Variants in ITGA7 observed in about 807,000 individuals in gnomAD.
ITGA7 encodes the protein integrin subunit alpha 7.
ITGA7 carries 84 observed loss-of-function variants against 131.6 expected under a neutral mutation model. That is an observed-to-expected ratio of 0.64 (90% CI 0.54 to 0.77). ITGA7 has a LOEUF of 0.77. ITGA7 is among the 30% of genes least tolerant of loss of function. The probability of loss-of-function intolerance (pLI) is 0.00; values close to 1 mark genes in which losing one functional copy is unlikely to be tolerated. For missense variants in ITGA7, 1,399 were observed against 1,482.9 expected (o/e 0.94, Z 0.93); for synonymous variants, 548 against 600.7 (o/e 0.91, Z 1.28).
At position 55,697,023 on chromosome 12, in the gene ITGA7, C is replaced by T; in HGVS notation, c.1613G>A (p.Gly538Asp). 2 of 1,614,058 alleles carry T rather than the reference C, an allele frequency of 1.2e-6. No homozygotes were observed. The highest frequency in any genetic ancestry group is 1.7e-6 in the Non-Finnish European group (2 of 1,180,020). ...LDADTDRRLR[G>D]QVPRVTFLSR... ...CAGGAACGTCACACGGGGAACCTGG[C>T]CCCGGAGCCTCCGGTCTGTGTCCGC... is the stretch of plus-strand genomic sequence containing the variant. The change falls in exon 12 of 25, where the codon GGC becomes GAC. Residue 538 changes from glycine (G) to aspartate (D), a missense_variant. Coordinates refer to ENST00000257879, the MANE Select transcript of ITGA7 (RefSeq NM_002206.3).
Position 55,702,955 on chromosome 12 carries a change from G to C in ITGA7, c.335-4C>G. 3 of 1,613,166 alleles carry C rather than the reference G, an allele frequency of 1.9e-6. No individual in the cohort carries two copies. The highest frequency in any genetic ancestry group is 2.5e-6 in the Non-Finnish European group (3 of 1,180,024). Reference sequence around the variant, plus strand: ...TTGCTTTCCTTTTGCATATCAGCTAGAGGCAGGACACTGGGAATTAGGGGA... The same window carrying C: ...TTGCTTTCCTTTTGCATATCAGCTACAGGCAGGACACTGGGAATTAGGGGA... On this transcript the variant is annotated splice_polypyrimidine_tract_variant and splice_region_variant and intron_variant, in intron 2 of 24. Transcript: ENST00000257879.
chr12:55,715,508 G>A (rs776879738), upstream of ITGA7, among the ~76,000 whole-genome samples: 4 of 152,178 alleles, frequency 2.6e-5, no homozygotes, highest in African/African-American at 4.8e-5. Context: ...AAATGGGTTC[G>A]CATTCCTGAC....
chr12:55,711,715 T>G (rs547420661), upstream of ITGA7, among the ~76,000 whole-genome samples: 1 of 152,254 alleles, frequency 6.6e-6, no homozygotes, highest in South Asian at 2.1e-4. Context: ...AATGAAAGAT[T>G]AATAATCTTT....
chr12:55,696,409 C>A lies in ITGA7; in HGVS notation c.1761G>T (p.Arg587=). ...QLQENVKDKL[R]AIVVTLSYSL... is the part of the protein sequence containing the mutation. ...TGTAGGACAAGGTCACTACAATGGC[C>A]CGAAGCTTGTCTTTGACATTTTCCT... Residue 587 remains arginine (R), a synonymous_variant, in exon 13 of 25, where the codon CGG becomes CGT. Transcript: ENST00000257879. 1 of 1,601,266 alleles carries A rather than the reference C, an allele frequency of 6.2e-7. No individual in the cohort carries two copies. Among genetic ancestry groups the A allele is most frequent in the Non-Finnish European group, 8.5e-7 (1 of 1,172,846 alleles).
intron 10 of ITGA7, 43 bp from the exon 11 acceptor site, chr12:55,697,320 G>A: frequency 6.3e-7 from 1 of 1,582,748 alleles, no homozygotes; most frequent in Non-Finnish European, 8.6e-7. Context: ...GAGGCTGATG[G>A]GCCAAGGCCC....
intron 21 of ITGA7, among the ~76,000 whole-genome samples, 177 bp from the exon 22 acceptor site, chr12:55,689,134 C>T (rs1250922838): frequency 1.3e-5 from 2 of 152,138 alleles, no homozygotes; most frequent in African/African-American, 4.8e-5. Flanking sequence ...CTTTGAAATG[C>T]GTGGAGGGGG....
chr12:55,688,375 A>G, intron 22 of ITGA7, 75 bp from the exon 23 acceptor site: 2 of 1,052,070 alleles, frequency 1.9e-6, no homozygotes, highest in Non-Finnish European at 2.9e-6. Context: ...TCCTGAAATT[A>G]TAAATGTAAT....
In ITGA7 at chr12:55,703,126, G is replaced by C; in HGVS notation, c.259C>G (p.Arg87Gly). ...GGGCAAGCGAAGAGGCCTCCAGTGCGATTCGCCTGCTGCCCAGGAAGAGCC... is the reference window on the plus strand; with the variant it reads ...GGGCAAGCGAAGAGGCCTCCAGTGCCATTCGCCTGCTGCCCAGGAAGAGCC... ...ALALPGQQAN[R>G]TGGLFACPLS... The change falls in exon 2 of 25, where the codon CGC (arginine) becomes GGC (glycine). Residue 87 changes from arginine to glycine, a missense_variant. Coordinates refer to ENST00000257879, the MANE Select transcript of ITGA7 (RefSeq NM_002206.3). 6.2e-7 allele frequency: 1 copy of C among 1,613,542 alleles called. No individual in the cohort carries two copies. The highest frequency in any genetic ancestry group is 8.5e-7 in the Non-Finnish European group (1 of 1,180,010).
chr12:55,690,911 T>C (rs7397816), intron 21 of ITGA7, among the ~76,000 whole-genome samples: 73,778 of 151,274 alleles, frequency 0.49, 19,676 homozygotes, highest in East Asian at 0.94. Context: ...TAGGTGGGAA[T>C]TGAACAATGA....
At position 55,694,946 on chromosome 12, in the gene ITGA7, C is replaced by T; in HGVS notation, c.2028G>A (p.Leu676=). Reference sequence around the variant, plus strand: ...TGACTGGCTGCCCACTCAGTGCAAACAGGGCTGTTGTTCCATCCACATCCC... The same window carrying T: ...TGACTGGCTGCCCACTCAGTGCAAATAGGGCTGTTGTTCCATCCACATCCC... ...LPMDVDGTTA[L]FALSGQPVIG... is the part of the protein sequence containing the mutation. The change falls in exon 15 of 25, where the codon CTG becomes CTA. Residue 676 remains leucine, a synonymous_variant. Transcript: ENST00000257879. The surrounding 1 kb of genome is among the most constrained non-coding windows in gnomAD (Gnocchi z 5.3). 6.2e-7 allele frequency: 1 copy of T among 1,613,796 alleles called. No individual in the cohort carries two copies. The highest frequency in any genetic ancestry group is 8.5e-7 in the Non-Finnish European group (1 of 1,180,000).
rs754255785 is a variant in ITGA7, at chr12:55,699,886, G to A, written c.774C>T (p.Ala258=). The A allele has an allele frequency of 9.9e-6, 16 of 1,609,708 alleles. No individual in the cohort carries two copies. In the East Asian group the frequency reaches 3.6e-4, roughly 36 times the overall value. ...DRLPGPAGDL[A]LNSYLGFSID... is the part of the protein sequence containing the mutation. Reference sequence around the variant, plus strand: ...CTTACAAACCTAAGTAGCTATTGAGGGCCAAGTCTCCGGCTGGTCCTGGGA... The same window carrying A: ...CTTACAAACCTAAGTAGCTATTGAGAGCCAAGTCTCCGGCTGGTCCTGGGA... Residue 258 remains alanine (A), a synonymous_variant, in exon 5 of 25, where the codon GCC becomes GCT. Coordinates refer to ENST00000257879, the MANE Select transcript of ITGA7 (RefSeq NM_002206.3).
At chr12:55,714,467 G>A (rs1189612867), upstream of ITGA7, among the ~76,000 whole-genome samples, 4 of 149,722 alleles carry the variant, frequency 2.7e-5, no homozygotes, top group Non-Finnish European at 4.4e-5. Flanking sequence ...GCAGTGAGCC[G>A]AGATCCCGCC....
Position 55,697,050 on chromosome 12 carries a change from T to A in ITGA7, c.1586A>T (p.Asp529Val), listed in dbSNP as rs372931668. The change falls in exon 12 of 25, where the codon GAT becomes GTT. Residue 529 changes from aspartate to valine, a missense_variant. Asp to Val is a radical substitution (Grantham distance 152). Transcript: ENST00000257879. ...CCGGAGCCTCCGGTCTGTGTCCGCA[T>A]CTAACACATAGTCCAGGGCTGTGGC... ...SPTVALDYVL[D>V]ADTDRRLRGQ... 6.2e-7 allele frequency: 1 copy of A among 1,613,950 alleles called. No individual in the cohort carries two copies. The highest frequency in any genetic ancestry group is 1.1e-5 in the South Asian group (1 of 91,050).
chr12:55,700,771 A>G, intron 4 of ITGA7, 128 bp downstream of exon 4: 1 of 1,225,378 alleles, frequency 8.2e-7, no homozygotes, highest in Non-Finnish European at 1.2e-6. Flanking sequence ...GGTGGAAGGC[A>G]TGGCAGTGCC....
At chr12:55,714,517 C>CAAAAAAAAAAAAAAAA (rs35046301), upstream of ITGA7, among the ~76,000 whole-genome samples, 23 of 120,432 alleles carry the variant, frequency 1.9e-4, no homozygotes, top group African/African-American at 9.2e-4. Context: ...GACTCCGTCT[C>CAAAAAAAAAAAAAAAA]AAAAAAAAAA....
chr12:55,707,564 C>G lies in ITGA7; in HGVS notation c.119G>C (p.Gly40Ala), dbSNP rs1201444019. Residue 40 changes from glycine (G) to alanine (A), a missense_variant, in exon 1 of 25, where the codon GGT becomes GCT. Transcript: ENST00000257879. ...RAVAFNLDVMGALRKEGEPGS... is the reference protein window; with the variant it reads ...RAVAFNLDVMAALRKEGEPGS... ...TGGCTCGCCCTCCTTGCGCAAGGCA[C>G]CCATCACGTCCAGATTGAAGGCGAC... 6.2e-7 allele frequency: 1 copy of G among 1,613,918 alleles called. No homozygotes were observed.
intron 21 of ITGA7, 52 bp from the exon 22 acceptor site, chr12:55,689,009 G>C: frequency 7.3e-7 from 1 of 1,371,820 alleles, no homozygotes; most frequent in Non-Finnish European, 1.0e-6. Context: ...ACCCTGCTGA[G>C]ACTGCCATCT....
At chr12:55,698,984 TC>T in intron 5 of ITGA7, 67 bp from the exon 6 acceptor site, 2 of 1,424,794 alleles carry the variant, frequency 1.4e-6, no homozygotes, top group African/African-American at 1.4e-5. Flanking sequence ...GTGTCACAGC[TC>T]CCCCAGCCCC....
intron 24 of ITGA7, among the ~76,000 whole-genome samples, 154 bp from the exon 25 acceptor site, chr12:55,685,442 G>A (rs565938993): frequency 4.6e-5 from 7 of 152,264 alleles, no homozygotes; most frequent in South Asian, 2.1e-4. Context: ...CAGCACCCAC[G>A]GTGCTCCCAT....
Sources: gnomAD v4.1 joint callset for allele counts (sites outside exome capture counted in the v4.1 genomes callset) on GRCh38, gnomAD v4.1.1 for gene constraint, Gnocchi (gnomAD v3.1) non-coding constraint, MANE v1.5 for transcripts, NCBI Gene and HGNC (gene_info 2026-07-23, HGNC 2026-07-21) for gene names.